Variants in BTF3L4 observed in about 807,000 individuals in gnomAD.
BTF3L4 encodes the protein basic transcription factor 3 like 4.
Under a neutral mutation model 16.8 loss-of-function variants are expected in BTF3L4, and 6 were observed. The ratio of observed to expected loss-of-function variants is 0.36; its 90% CI spans 0.20 to 0.71. BTF3L4 has a LOEUF of 0.71. Among genes scored for constraint, BTF3L4 ranks in the 30% least tolerant of loss-of-function variants. The pLI, the probability that BTF3L4 is intolerant of heterozygous loss-of-function variation, is 0.58. For synonymous variants in BTF3L4, 39 were observed against 59.8 expected (o/e 0.65, Z 1.60); for missense variants, 92 against 186.9 (o/e 0.49, Z 2.96).
intron 3 of BTF3L4, 34 bp from the exon 4 acceptor site, chr1:52,083,306 A>T (rs1643941647): frequency 6.5e-7 from 1 of 1,539,908 alleles, no homozygotes; most frequent in Non-Finnish European, 9.0e-7. Flanking sequence ...TGTACCTAGC[A>T]TGTGAAGTAC....
intron 3 of BTF3L4, among the ~76,000 whole-genome samples, chr1:52,072,119 A>G (rs965088715): frequency 2.0e-5 from 3 of 148,228 alleles, no homozygotes; most frequent in African/African-American, 7.5e-5. Flanking sequence ...CAGTGGTGCG[A>G]TCTCGGCTCA....
At chr1:52,056,714 T>C (rs908192110) in intron 1 of BTF3L4, among the ~76,000 whole-genome samples, 1 of 152,280 alleles carries the variant, frequency 6.6e-6, no homozygotes, top group Non-Finnish European at 1.5e-5. Context: ...CTTTGAGCTT[T>C]ATACAGGCTC....
chr1:52,086,986 G>A lies in BTF3L4; in HGVS notation c.*228G>A. ...AATATGAAGTATTGGTGCAGTTTGA[G>A]GGTGTTTTGGTTTTTGATTCCTGGT... On this transcript the variant is annotated 3_prime_UTR_variant, in exon 6 of 6. Transcript: ENST00000313334. The A allele has an allele frequency of 2.5e-6, 1 of 406,902 alleles. No individual in the cohort carries two copies. Among genetic ancestry groups the A allele is most frequent in the East Asian group, 3.9e-5 (1 of 25,816 alleles). The allele number at this position is 406,902 out of a possible 1,614,324, so 25.2% of individuals were successfully genotyped here.
chr1:52,071,350 A>G (rs558145961), intron 3 of BTF3L4: 1 of 152,226 alleles, frequency 6.6e-6, no homozygotes, highest in African/African-American at 2.4e-5. Context: ...CTTTCTCTGT[A>G]CTTTTACTGC....
In BTF3L4 at chr1:52,068,014, T is replaced by C. The variant is rs1428659305; in HGVS notation, c.168+3076T>C. 5.9e-5 allele frequency among the ~76,000 whole-genome samples: 9 copies of C among 152,002 alleles called. No homozygotes were observed. In the East Asian group the frequency reaches 1.7e-3, roughly 29 times the overall value. On this transcript the variant is annotated intron_variant, in intron 3 of 5. Transcript: ENST00000313334. The stretch of plus-strand genomic sequence containing the variant: ...CTTCTTTAGAGAGGAAAAAAAATTA[T>C]ACCTTCCTTGCAGTATAGATTTAAC...
intron 3 of BTF3L4, among the ~76,000 whole-genome samples, chr1:52,073,854 C>T (rs1303901715): frequency 2.6e-5 from 4 of 151,660 alleles, no homozygotes; most frequent in African/African-American, 4.8e-5. Flanking sequence ...AAAAATTAGC[C>T]GGGCGTGGTG....
chr1:52,086,331 C>A (rs926551104), intron 5 of BTF3L4, 160 bp downstream of exon 5: 1 of 524,438 alleles, frequency 1.9e-6, no homozygotes, highest in Non-Finnish European at 3.3e-6. Context: ...ACGTAAGCAC[C>A]CACCTTAGAA....
rs973139358 is a variant in BTF3L4, at chr1:52,081,914, A to G, written c.169-1426A>G. Among the ~76,000 whole-genome samples the G allele has an allele frequency of 3.3e-5, 5 of 152,164 alleles. No individual in the cohort carries two copies. In the East Asian group the frequency reaches 5.8e-4, roughly 18 times the overall value. ...TTTCTTGCCCTTCCTTTCTGGTGCTATCAATGGTGGTAATCACCTCTGAGG... is the reference window on the plus strand; with the variant it reads ...TTTCTTGCCCTTCCTTTCTGGTGCTGTCAATGGTGGTAATCACCTCTGAGG... On this transcript the variant is annotated intron_variant, in intron 3 of 5. Coordinates refer to ENST00000313334, the MANE Select transcript of BTF3L4 (RefSeq NM_152265.5).
intron 5 of BTF3L4, 131 bp from the exon 6 acceptor site, chr1:52,086,581 C>G (rs1643974499): frequency 1.8e-6 from 1 of 554,180 alleles, no homozygotes; most frequent in Non-Finnish European, 3.2e-6. Context: ...TCATTTCTGC[C>G]TCCTTATGTT....
intron 1 of BTF3L4, among the ~76,000 whole-genome samples, chr1:52,059,194 T>A (rs1686449979): frequency 6.6e-6 from 1 of 152,102 alleles, no homozygotes; most frequent in Non-Finnish European, 1.5e-5. Context: ...CAGTGCAGGG[T>A]ATTGAATGAA....
At chr1:52,058,831 C>G (rs1380485673) in intron 1 of BTF3L4, among the ~76,000 whole-genome samples, 1 of 152,146 alleles carries the variant, frequency 6.6e-6, no homozygotes, top group East Asian at 1.9e-4. Context: ...AACTCCCGAC[C>G]TCAGGTGATC....
intron 3 of BTF3L4, among the ~76,000 whole-genome samples, chr1:52,070,851 G>A (rs913971241): frequency 2.0e-5 from 3 of 151,854 alleles, no homozygotes; most frequent in Non-Finnish European, 4.4e-5. Context: ...GGCCAGGCTC[G>A]TCTCAAACTC....
At position 52,089,823 on chromosome 1, in the gene BTF3L4, C is replaced by T. The variant is rs140871352; in HGVS notation, c.*3065C>T. 204 of 152,222 alleles carry T rather than the reference C, an allele frequency of 1.3e-3. No individual in the cohort carries two copies. The highest frequency in any genetic ancestry group is 4.5e-3 in the African/African-American group (188 of 41,526). The allele number at this position is 152,222 out of a possible 1,614,324, so 9.4% of individuals were successfully genotyped here. A position where few individuals can be genotyped will look rare whatever the true frequency, so the allele number is the denominator to read the frequency against. ...ATTAAGTAATGGTTTAAGAATATAT[C>T]AAGCACCTTAATTTGTTGTTAAGTA... On this transcript the variant is annotated 3_prime_UTR_variant, in exon 6 of 6. Coordinates refer to ENST00000313334, the MANE Select transcript of BTF3L4 (RefSeq NM_152265.5).
intron 3 of BTF3L4, among the ~76,000 whole-genome samples, chr1:52,070,670 T>C (rs1347608028): frequency 7.0e-6 from 1 of 141,980 alleles, no homozygotes; most frequent in African/African-American, 2.7e-5. Context: ...ATGGTCTCAC[T>C]GTGTTACTCA....
At chr1:52,080,250 G>A (rs1643905939) in intron 3 of BTF3L4, among the ~76,000 whole-genome samples, 1 of 152,074 alleles carries the variant, frequency 6.6e-6, no homozygotes, top group Non-Finnish European at 1.5e-5. Context: ...GGGAAACCCA[G>A]GTTAAAGTCC....
intron 3 of BTF3L4, among the ~76,000 whole-genome samples, chr1:52,079,210 A>G (rs1687004482): frequency 6.6e-6 from 1 of 151,972 alleles, no homozygotes; most frequent in Non-Finnish European, 1.5e-5. Context: ...GAAGGAAGGA[A>G]TGTTAGAAAT....
intron 3 of BTF3L4, among the ~76,000 whole-genome samples, chr1:52,081,524 G>A (rs1643922567): frequency 1.3e-5 from 2 of 152,098 alleles, no homozygotes; most frequent in South Asian, 4.1e-4. Context: ...GTGATTCTAG[G>A]CTAAATGCAG....
Position 52,061,990 on chromosome 1 carries a change from G to T in BTF3L4, c.54+2089G>T, listed in dbSNP as rs187536166. 2.0e-5 allele frequency among the ~76,000 whole-genome samples: 3 copies of T among 148,140 alleles called. No homozygotes were observed. In the East Asian group the frequency reaches 6.1e-4, roughly 30 times the overall value. On this transcript the variant is annotated intron_variant, in intron 2 of 5. Coordinates refer to ENST00000313334, the MANE Select transcript of BTF3L4 (RefSeq NM_152265.5). ...CTCTCTCTGTCGCCCAGGCTGTAGT[G>T]CAGTGGCGCAATCTCAGCTCACTGC...
At chr1:52,058,890 G>A (rs969600548) in intron 1 of BTF3L4, among the ~76,000 whole-genome samples, 3 of 152,182 alleles carry the variant, frequency 2.0e-5, no homozygotes, top group Non-Finnish European at 2.9e-5. Flanking sequence ...GTGAGCCACC[G>A]TGCCGGGCCT....
Sources: allele counts gnomAD v4.1 joint callset (sites outside exome capture counted in the v4.1 genomes callset), GRCh38; gene constraint gnomAD v4.1.1; transcripts MANE v1.5; gene names NCBI Gene and HGNC (gene_info 2026-07-23, HGNC 2026-07-21).